The following RTL4 variants were observed in gnomAD, a reference collection of about 807,000 sequenced individuals.
The protein encoded by RTL4 is retrotransposon Gag-like protein 4.
RTL4 carries 4 observed loss-of-function variants against 5.3 expected under a neutral mutation model. That is an observed-to-expected ratio of 0.75 (90% CI 0.37 to 1.72). RTL4 has a LOEUF of 1.72. RTL4 is among the 40% of genes most tolerant of loss of function. RTL4 has a pLI of 0.04. For missense variants in RTL4, 260 were observed against 227.1 expected (o/e 1.14, Z -0.93); for synonymous variants, 98 against 87.3 (o/e 1.12, Z -0.68).
chrX:112,281,325 C>CT, the RTL4 span, among the ~76,000 whole-genome samples: 2 of 111,928 alleles, frequency 1.8e-5, no homozygotes, highest in African/African-American at 6.5e-5. Flanking sequence ...GGATTTCCTT[C>CT]TTTTTTACGG....
chrX:112,270,011 C>G, the RTL4 span, among the ~76,000 whole-genome samples: 1 of 112,219 alleles, frequency 8.9e-6, no homozygotes, highest in African/African-American at 3.2e-5. Context: ...TAGGTAGTAT[C>G]ATTTATAATA....
At chrX:112,344,632 G>A in the RTL4 span, among the ~76,000 whole-genome samples, 4 of 112,041 alleles carry the variant, frequency 3.6e-5, no homozygotes, top group African/African-American at 1.3e-4. Flanking sequence ...TCCAACACTG[G>A]GGATTACAAT....
chrX:112,124,515 T>C, the RTL4 span, among the ~76,000 whole-genome samples: 427 of 111,790 alleles, frequency 3.8e-3, 1 homozygote, highest in African/African-American at 0.013. Flanking sequence ...GATCATGTCC[T>C]TTGCAGGGAC....
chrX:112,322,643 C>T, the RTL4 span, among the ~76,000 whole-genome samples: 1 of 110,422 alleles, frequency 9.1e-6, no homozygotes, highest in East Asian at 2.8e-4. Flanking sequence ...TTTTCCTTGG[C>T]TCTCATTTCT....
chrX:112,329,029 A>G, the RTL4 span, among the ~76,000 whole-genome samples: 1 of 111,614 alleles, frequency 9.0e-6, no homozygotes, highest in Non-Finnish European at 1.9e-5. Context: ...GAAAATTTAT[A>G]GCACTAAATG....
the RTL4 span, among the ~76,000 whole-genome samples, chrX:112,304,639 CTTTTTTTTTTTTT>C: frequency 2.1e-5 from 1 of 48,372 alleles, no homozygotes; most frequent in South Asian, 1.2e-3. Flanking sequence ...TTTCCCACAT[CTTTTTTTTTTTTT>C]TTTTTTTTTT....
chrX:112,344,499 A>C, the RTL4 span, among the ~76,000 whole-genome samples: 2 of 111,309 alleles, frequency 1.8e-5, no homozygotes, highest in African/African-American at 6.5e-5. Flanking sequence ...AAGGAAGAGC[A>C]CAAAGGGGGA....
the RTL4 span, among the ~76,000 whole-genome samples, chrX:112,282,675 T>C: frequency 8.9e-6 from 1 of 112,024 alleles, no homozygotes; most frequent in Non-Finnish European, 1.9e-5. Context: ...CTTTCATTAG[T>C]GTTTTACAGT....
chrX:112,236,468 T>TAG, the RTL4 span, among the ~76,000 whole-genome samples: 1 of 77,080 alleles, frequency 1.3e-5, no homozygotes, highest in African/African-American at 5.7e-5. Context: ...GATCTATATC[T>TAG]ATATATAGAT....
the RTL4 span, among the ~76,000 whole-genome samples, chrX:112,204,207 C>T: frequency 8.9e-6 from 1 of 112,240 alleles, no homozygotes; most frequent in African/African-American, 3.2e-5. Context: ...GAAAAGGGAA[C>T]GCTTGCGCAC....
chrX:112,448,230 C>A, the RTL4 span, among the ~76,000 whole-genome samples: 1 of 111,889 alleles, frequency 8.9e-6, no homozygotes, highest in South Asian at 3.7e-4. Flanking sequence ...ATCTGCAGAT[C>A]AAAATTTTTC....
At chrX:112,092,592 T>C in the RTL4 span, among the ~76,000 whole-genome samples, 1 of 111,723 alleles carries the variant, frequency 9.0e-6, no homozygotes, top group Non-Finnish European at 1.9e-5. Context: ...TCTCATCAGA[T>C]GATATGATTT....
the RTL4 span, among the ~76,000 whole-genome samples, chrX:112,340,392 T>G: frequency 1.8e-5 from 2 of 110,745 alleles, no homozygotes; most frequent in African/African-American, 3.3e-5. Context: ...AAATTTTCAC[T>G]CTAGTGGATT....
chrX:112,253,764 T>C, the RTL4 span, among the ~76,000 whole-genome samples: 13 of 112,439 alleles, frequency 1.2e-4, no homozygotes, highest in Non-Finnish European at 2.4e-4. Flanking sequence ...TTAGCCCCTG[T>C]TCTAGGTTTG....
chrX:112,270,977 G>A, the RTL4 span, among the ~76,000 whole-genome samples: 1 of 100,797 alleles, frequency 9.9e-6, no homozygotes, highest in African/African-American at 3.6e-5. Flanking sequence ...GAGTAAAGAA[G>A]CACAGTCAAG....
At chrX:112,327,783 G>A in the RTL4 span, among the ~76,000 whole-genome samples, 5 of 111,687 alleles carry the variant, frequency 4.5e-5, no homozygotes, top group African/African-American at 1.3e-4. Context: ...TCAAAGGGAA[G>A]CCCATCAGAC....
the RTL4 span, among the ~76,000 whole-genome samples, chrX:112,399,468 C>G: frequency 3.6e-5 from 4 of 111,242 alleles, no homozygotes; most frequent in Non-Finnish European, 5.7e-5. Flanking sequence ...GTAAATTTCC[C>G]TCTAATTACT....
At chrX:112,442,904 TA>T in the RTL4 span, among the ~76,000 whole-genome samples, 5 of 112,364 alleles carry the variant, frequency 4.4e-5, no homozygotes, top group African/African-American at 1.6e-4. Context: ...TCCTTTGTGT[TA>T]CAAACAATGC....
chrX:112,229,746 C>T, the RTL4 span, among the ~76,000 whole-genome samples: 3 of 112,326 alleles, frequency 2.7e-5, no homozygotes, highest in African/African-American at 9.7e-5. Flanking sequence ...TTCCTTCTAA[C>T]AGTCAGGACC....
Sources: allele counts gnomAD v4.1 joint callset (sites outside exome capture counted in the v4.1 genomes callset), GRCh38; gene constraint gnomAD v4.1.1; transcripts MANE v1.5; gene names NCBI Gene and HGNC (gene_info 2026-07-23, HGNC 2026-07-21).